The following CRYBG3 variants were observed in gnomAD, a reference collection of about 807,000 sequenced individuals.
CRYBG3 encodes the protein crystallin beta-gamma domain containing 3.
CRYBG3 carries 127 observed loss-of-function variants against 244.2 expected under a neutral mutation model. The observed-to-expected ratio is 0.52, with a 90% CI of 0.45 to 0.60. CRYBG3 has a LOEUF of 0.60. Ranked by LOEUF, CRYBG3 falls within the 20% of genes least tolerant of loss-of-function variation. CRYBG3 has a pLI of 0.00. For synonymous variants in CRYBG3, 1,132 were observed against 1,195.8 expected (o/e 0.95, Z 1.10); for missense variants, 3,325 against 3,442.5 (o/e 0.97, Z 0.85).
At chr3:97,903,557 T>A (rs899328310) in intron 15 of CRYBG3, among the ~76,000 whole-genome samples, 1 of 152,146 alleles carries the variant, frequency 6.6e-6, no homozygotes, top group Non-Finnish European at 1.5e-5. Flanking sequence ...CTCAAAGGGC[T>A]AGAGAAAGTC....
At chr3:97,855,186 T>A (rs926907263) in intron 2 of CRYBG3, among the ~76,000 whole-genome samples, 1 of 152,156 alleles carries the variant, frequency 6.6e-6, no homozygotes, top group Non-Finnish European at 1.5e-5. Context: ...TGGGATAAAT[T>A]CAACTTAATT....
intron 18 of CRYBG3, among the ~76,000 whole-genome samples, chr3:97,935,633 C>A (rs1310831535): frequency 6.6e-6 from 1 of 151,982 alleles, no homozygotes. Context: ...AGAACAAGTC[C>A]CTAAGGAATA....
chr3:97,836,707 T>C (rs1485196403), intron 1 of CRYBG3, among the ~76,000 whole-genome samples: 1 of 152,068 alleles, frequency 6.6e-6, no homozygotes, highest in Non-Finnish European at 1.5e-5. Flanking sequence ...CCTTGCTGTA[T>C]TTAAGGGCCT....
At chr3:97,838,542 G>A (rs547807334) in intron 1 of CRYBG3, among the ~76,000 whole-genome samples, 1 of 152,176 alleles carries the variant, frequency 6.6e-6, no homozygotes, top group Admixed American at 6.5e-5. Context: ...GAGAAACATA[G>A]ATGCCTCAGG....
chr3:97,928,478 A>T (rs1359003312), intron 17 of CRYBG3, among the ~76,000 whole-genome samples: 1 of 151,954 alleles, frequency 6.6e-6, no homozygotes. Context: ...CTGGCGATGA[A>T]ATAATCTGTG....
Position 97,894,109 on chromosome 3 carries a change from G to T in CRYBG3, c.7574+1116G>T, listed in dbSNP as rs113688423. Among the ~76,000 whole-genome samples the T allele has an allele frequency of 9.3e-3, 1,411 of 152,170 alleles. 19 individuals carry two copies. The highest frequency in any genetic ancestry group is 0.032 in the African/African-American group (1,329 of 41,528). On this transcript the variant is annotated intron_variant, in intron 11 of 21. Coordinates refer to ENST00000389622, the MANE Select transcript of CRYBG3 (RefSeq NM_153605.4). ...TCATTTGTAATATTGTCTGGTTTGT[G>T]AACACACATGTTTCTTGATAACCCT...
chr3:97,883,777 T>G (rs2039477196), intron 7 of CRYBG3, among the ~76,000 whole-genome samples: 1 of 152,212 alleles, frequency 6.6e-6, no homozygotes, highest in Non-Finnish European at 1.5e-5. Flanking sequence ...AAGTAATAAT[T>G]AGGCATCAAA....
chr3:97,896,157 T>A, intron 12 of CRYBG3, 72 bp downstream of exon 12: 1 of 1,355,890 alleles, frequency 7.4e-7, no homozygotes. Context: ...ACATGACTCC[T>A]GATAGAACAT....
chr3:97,838,143 C>A (rs761277744), intron 1 of CRYBG3, among the ~76,000 whole-genome samples: 1 of 152,026 alleles, frequency 6.6e-6, no homozygotes, highest in Admixed American at 6.6e-5. Flanking sequence ...GATTTTTTTC[C>A]TTCCAGGTCC....
intron 17 of CRYBG3, among the ~76,000 whole-genome samples, chr3:97,926,388 C>T (rs2040040828): frequency 6.6e-6 from 1 of 151,964 alleles, no homozygotes; most frequent in Admixed American, 6.6e-5. Flanking sequence ...GATAAAAACC[C>T]TTAACAAACT....
chr3:97,840,334 T>C (rs2108167102), intron 1 of CRYBG3, among the ~76,000 whole-genome samples: 1 of 152,288 alleles, frequency 6.6e-6, no homozygotes, highest in Non-Finnish European at 1.5e-5. Context: ...ACCAAAATTT[T>C]AAAATATGTT....
At position 97,875,706 on chromosome 3, in the gene CRYBG3, T is replaced by C. The variant is rs929797019; in HGVS notation, c.4512T>C (p.Ser1504=). 1 of 1,232,288 alleles carries C rather than the reference T, an allele frequency of 8.1e-7. No individual in the cohort carries two copies. The highest frequency in any genetic ancestry group is 1.6e-5 in the African/African-American group (1 of 64,502). 76.3% of individuals were successfully genotyped at this position (1,232,288 alleles called of 1,614,324 possible). ...TGTCTGATAGCCTTGTATGTATATC[T>C]GAAAAAAACTTGCCAGGACACAGTA... ...SSLSDSLVCI[S]EKNLPGHSKN... The change falls in exon 4 of 22, where the codon TCT becomes TCC. Residue 1504 remains serine (S), a synonymous_variant. Coordinates refer to ENST00000389622, the MANE Select transcript of CRYBG3 (RefSeq NM_153605.4).
intron 7 of CRYBG3, among the ~76,000 whole-genome samples, chr3:97,885,562 C>G (rs1388900356): frequency 1.3e-5 from 2 of 152,046 alleles, no homozygotes; most frequent in African/African-American, 4.8e-5. Flanking sequence ...TTTTGATTCC[C>G]TAAGAAGGGA....
chr3:97,922,339 G>C (rs1212176192), intron 17 of CRYBG3, among the ~76,000 whole-genome samples: 1 of 152,110 alleles, frequency 6.6e-6, no homozygotes, highest in African/African-American at 2.4e-5. Flanking sequence ...TTGACAAATG[G>C]GATCTAATTA....
At chr3:97,845,827 A>G (rs1278119757) in intron 2 of CRYBG3, among the ~76,000 whole-genome samples, 1 of 152,124 alleles carries the variant, frequency 6.6e-6, no homozygotes, top group African/African-American at 2.4e-5. Context: ...AAAATTAAAA[A>G]CAATGTTTTT....
chr3:97,887,923 T>G (rs904457025), intron 8 of CRYBG3, among the ~76,000 whole-genome samples: 1 of 152,190 alleles, frequency 6.6e-6, no homozygotes, highest in African/African-American at 2.4e-5. Context: ...CTGATATTGA[T>G]TCTGAAAACG....
chr3:97,899,437 A>G (rs2039678502), intron 14 of CRYBG3, among the ~76,000 whole-genome samples, 174 bp downstream of exon 14: 1 of 152,250 alleles, frequency 6.6e-6, no homozygotes, highest in Admixed American at 6.5e-5. Context: ...AGATATTAAC[A>G]CATGAATGAG....
At position 97,943,458 on chromosome 3, in the gene CRYBG3, A is replaced by G. The variant is rs2040278686; in HGVS notation, c.*144A>G. Reference sequence around the variant, plus strand: ...ATGAACATTTTCTCCAGCCTCTGAGACTATCGCTCTTAACCATGGAAAAGC... The same window carrying G: ...ATGAACATTTTCTCCAGCCTCTGAGGCTATCGCTCTTAACCATGGAAAAGC... On this transcript the variant is annotated 3_prime_UTR_variant, in exon 22 of 22. Transcript: ENST00000389622. The G allele has an allele frequency of 3.2e-6, 2 of 621,066 alleles. No homozygotes were observed. Among genetic ancestry groups the G allele is most frequent in the Admixed American group, 3.4e-5 (1 of 29,198 alleles). 38.5% of individuals were successfully genotyped at this position (621,066 alleles called of 1,614,324 possible). A position where few individuals can be genotyped will look rare whatever the true frequency, so the allele number is the denominator to read the frequency against.
Position 97,857,579 on chromosome 3 carries a change from A to T in CRYBG3, c.217-6638A>T, listed in dbSNP as rs140722381. 2.2e-4 allele frequency among the ~76,000 whole-genome samples: 34 copies of T among 152,110 alleles called. No individual in the cohort carries two copies. In the East Asian group the frequency reaches 5.6e-3, roughly 25 times the overall value. On this transcript the variant is annotated intron_variant, in intron 2 of 21. Coordinates refer to ENST00000389622, the MANE Select transcript of CRYBG3 (RefSeq NM_153605.4). ...TACAGTTGTTACATCGTCTTGTTGA[A>T]TGGGTCCCTTTATCCTTATATAATG...
Sources: gnomAD v4.1 joint callset for allele counts (sites outside exome capture counted in the v4.1 genomes callset) on GRCh38, gnomAD v4.1.1 for gene constraint, MANE v1.5 for transcripts, NCBI Gene and HGNC (gene_info 2026-07-23, HGNC 2026-07-21) for gene names.